RNF180: variants seen among roughly 807,000 people sequenced by gnomAD.
RNF180 encodes the protein ring finger protein 180, also known as E3 ubiquitin-protein ligase RNF180.
In RNF180, 38 loss-of-function variants were observed where a neutral mutation model predicts 59.2. The observed-to-expected ratio is 0.64, with a 90% CI of 0.50 to 0.84. The LOEUF is 0.84. RNF180 is among the 40% of genes least tolerant of loss of function. The pLI is 0.00. For missense variants in RNF180, 705 were observed against 700.9 expected (o/e 1.01, Z -0.07); for synonymous variants, 262 against 240.3 (o/e 1.09, Z -0.84).
Position 64,243,457 on chromosome 5 carries a change from C to G in RNF180, c.1227+26061C>G, listed in dbSNP as rs376350797. On this transcript the variant is annotated intron_variant, in intron 5 of 7. Coordinates refer to ENST00000389100, the MANE Select transcript of RNF180 (RefSeq NM_001113561.2). ...GGCGGTTTTCCCCTCATAATGTAAACAAAGACGCCTGGAAGTTTGAACTGG... is the reference window on the plus strand; with the variant it reads ...GGCGGTTTTCCCCTCATAATGTAAAGAAAGACGCCTGGAAGTTTGAACTGG... Among the ~76,000 whole-genome samples, 38 of 152,282 alleles carry G rather than the reference C, an allele frequency of 2.5e-4. 1 individual carries two copies. In the East Asian group the frequency reaches 3.3e-3, roughly 13 times the overall value.
chr5:64,369,583 A>C, intron 7 of RNF180, 32 bp from the exon 8 acceptor site: 1 of 1,350,578 alleles, frequency 7.4e-7, no homozygotes, highest in Non-Finnish European at 9.7e-7. Flanking sequence ...GCTTGAATTT[A>C]ATGGGCTTTA....
chr5:64,172,058 C>T (rs1494636), intron 1 of RNF180, among the ~76,000 whole-genome samples: 5,732 of 152,250 alleles, frequency 0.038, 303 homozygotes, highest in African/African-American at 0.13. Context: ...TGTCTTTGGG[C>T]ATCAGTATCC....
intron 5 of RNF180, among the ~76,000 whole-genome samples, chr5:64,315,965 C>G (rs774676497): frequency 6.6e-6 from 1 of 152,000 alleles, no homozygotes; most frequent in African/African-American, 2.4e-5. Context: ...AAGTCTGGCC[C>G]GCTGCCTTGA....
At chr5:64,214,870 ATG>A (rs1157345607) in intron 4 of RNF180, among the ~76,000 whole-genome samples, 1 of 152,110 alleles carries the variant, frequency 6.6e-6, no homozygotes, top group Non-Finnish European at 1.5e-5. Flanking sequence ...GGTTGAAAAA[ATG>A]TTTTTTTTAA....
At chr5:64,183,071 C>A (rs577406623) in intron 1 of RNF180, among the ~76,000 whole-genome samples, 86 of 152,302 alleles carry the variant, frequency 5.6e-4, no homozygotes, top group African/African-American at 1.9e-3. Context: ...CAGTATGTGA[C>A]CATCAGCTTA....
intron 5 of RNF180, among the ~76,000 whole-genome samples, chr5:64,321,986 A>G (rs1341540157): frequency 6.6e-6 from 1 of 152,234 alleles, no homozygotes; most frequent in East Asian, 1.9e-4. Context: ...CTCCTTCCTT[A>G]CACCTTATAT....
At chr5:64,344,496 A>G (rs972723723) in intron 7 of RNF180, among the ~76,000 whole-genome samples, 3 of 150,864 alleles carry the variant, frequency 2.0e-5, no homozygotes, top group African/African-American at 2.5e-5. Flanking sequence ...ACACTTGGAG[A>G]TTTCAACACA....
At chr5:64,322,530 T>C (rs373384254) in intron 5 of RNF180, among the ~76,000 whole-genome samples, 65 of 152,092 alleles carry the variant, frequency 4.3e-4, no homozygotes, top group African/African-American at 1.5e-3. Context: ...ATAGGAATGC[T>C]TTTACACTGT....
chr5:64,193,112 G>A (rs1751267257), intron 1 of RNF180, among the ~76,000 whole-genome samples: 1 of 151,608 alleles, frequency 6.6e-6, no homozygotes, highest in African/African-American at 2.4e-5. Flanking sequence ...GAATAGAATT[G>A]TGACTGTCGG....
intron 5 of RNF180, among the ~76,000 whole-genome samples, chr5:64,304,934 C>A (rs1302877767): frequency 1.3e-5 from 2 of 151,636 alleles, no homozygotes; most frequent in African/African-American, 4.8e-5. Flanking sequence ...GCAACCACCA[C>A]CCTAATCAGT....
chr5:64,201,152 T>A (rs1214228119), intron 2 of RNF180, among the ~76,000 whole-genome samples: 1 of 152,232 alleles, frequency 6.6e-6, no homozygotes, highest in African/African-American at 2.4e-5. Context: ...TTAAAATTAA[T>A]TTTGCCTTTA....
intron 6 of RNF180, among the ~76,000 whole-genome samples, chr5:64,326,368 C>G (rs939129231): frequency 3.9e-5 from 6 of 152,068 alleles, no homozygotes; most frequent in Non-Finnish European, 7.4e-5. Flanking sequence ...ATAGAAACTC[C>G]TAAATATTAA....
chr5:64,308,453 G>A (rs1242659639), intron 5 of RNF180, among the ~76,000 whole-genome samples: 1 of 151,720 alleles, frequency 6.6e-6, no homozygotes, highest in Non-Finnish European at 1.5e-5. Flanking sequence ...GCATTTAAAT[G>A]AGGTGTCTTT....
At chr5:64,207,204 A>T (rs1752060032) in intron 2 of RNF180, among the ~76,000 whole-genome samples, 1 of 152,130 alleles carries the variant, frequency 6.6e-6, no homozygotes, top group Non-Finnish European at 1.5e-5. Context: ...TTAAATATTG[A>T]TTACTCATAT....
At chr5:64,362,431 T>C (rs1746294260) in intron 7 of RNF180, among the ~76,000 whole-genome samples, 1 of 151,948 alleles carries the variant, frequency 6.6e-6, no homozygotes, top group Non-Finnish European at 1.5e-5. Flanking sequence ...TTCTTTTTTA[T>C]GGCTGCATAG....
chr5:64,251,643 C>G (rs952847500), intron 5 of RNF180, among the ~76,000 whole-genome samples: 1 of 152,116 alleles, frequency 6.6e-6, no homozygotes, highest in Non-Finnish European at 1.5e-5. Context: ...CCGGGATGGT[C>G]TGGCCTCAGG....
chr5:64,332,618 A>C (rs1338247382), intron 7 of RNF180, among the ~76,000 whole-genome samples: 1 of 152,256 alleles, frequency 6.6e-6, no homozygotes, highest in African/African-American at 2.4e-5. Flanking sequence ...TAAAAATATA[A>C]GGAATGAAGG....
At chr5:64,311,986 C>T (rs1024918484) in intron 5 of RNF180, among the ~76,000 whole-genome samples, 10 of 151,954 alleles carry the variant, frequency 6.6e-5, no homozygotes, top group Admixed American at 2.0e-4. Flanking sequence ...TGATGGTACA[C>T]GTATGCGAGA....
intron 7 of RNF180, among the ~76,000 whole-genome samples, chr5:64,345,850 A>G (rs1007705484): frequency 1.8e-4 from 27 of 152,112 alleles, no homozygotes; most frequent in African/African-American, 6.5e-4. Context: ...TTTAGATCCA[A>G]AAAAATCCTT....
Sources: allele counts gnomAD v4.1 joint callset (sites outside exome capture counted in the v4.1 genomes callset), GRCh38; gene constraint gnomAD v4.1.1; transcripts MANE v1.5; gene names NCBI Gene and HGNC (gene_info 2026-07-23, HGNC 2026-07-21).